The following DIS3 variants were observed in gnomAD, a reference collection of about 807,000 sequenced individuals.
DIS3 encodes DIS3 exosome endoribonuclease and 3'-5' exoribonuclease, also known as exosome complex exonuclease RRP44.
DIS3 carries 103 observed loss-of-function variants against 113.0 expected under a neutral mutation model. The observed-to-expected ratio is 0.91, with a 90% CI of 0.78 to 1.07. The LOEUF (loss-of-function observed/expected upper bound fraction) is 1.07, where lower values mean the gene tolerates loss of function less well. DIS3 is among the 50% of genes least tolerant of loss of function. The pLI, the probability that DIS3 is intolerant of heterozygous loss-of-function variation, is 0.00. For synonymous variants in DIS3, 402 were observed against 394.3 expected, an observed-to-expected ratio of 1.02 and a Z score of -0.23; for missense variants, 1,121 against 1,167.1, an observed-to-expected ratio of 0.96 and a Z score of 0.58.
At chr13:72,779,002 C>T (rs926743149) in intron 2 of DIS3, among the ~76,000 whole-genome samples, 4 of 152,124 alleles carry the variant, frequency 2.6e-5, no homozygotes, top group Non-Finnish European at 5.9e-5. Flanking sequence ...TTAAGTACAA[C>T]AGCAAAGTTC....
chr13:72,779,773 G>T (rs368307016), intron 2 of DIS3, among the ~76,000 whole-genome samples: 4 of 151,690 alleles, frequency 2.6e-5, no homozygotes, highest in Admixed American at 6.6e-5. Context: ...GTGGTGGTGG[G>T]GGGGGTAAGG....
intron 1 of DIS3, 139 bp from the exon 2 acceptor site, chr13:72,781,142 T>C: frequency 7.4e-7 from 1 of 1,350,254 alleles, no homozygotes; most frequent in Non-Finnish European, 1.0e-6. Context: ...GCTATTTGGC[T>C]ATAGAAAACG....
At chr13:72,766,941 G>A (rs1248260658) in intron 14 of DIS3, among the ~76,000 whole-genome samples, 4 of 152,102 alleles carry the variant, frequency 2.6e-5, no homozygotes, top group Admixed American at 6.6e-5. Flanking sequence ...ACTATAGTAG[G>A]AACACATACT....
rs577458917 is a variant in DIS3 at position 72,781,234 on chromosome 13, G to C, written c.229-231C>G. ...AATCACAAGACTTCGTAGAATTAAG[G>C]GTATTAATAAAGGAATACGTTGGCC... is the stretch of plus-strand genomic sequence containing the variant. On this transcript the variant is annotated intron_variant, in intron 1 of 20. Transcript: ENST00000377767. The C allele has an allele frequency of 2.0e-6, 3 of 1,532,050 alleles. No individual in the cohort carries two copies. The East Asian group carries it at 7.4e-5, about 38-fold the overall frequency. 94.9% of individuals were successfully genotyped at this position (1,532,050 alleles called of 1,614,324 possible).
chr13:72,776,639 A>G (rs1294703917), intron 4 of DIS3, among the ~76,000 whole-genome samples: 2 of 152,238 alleles, frequency 1.3e-5, no homozygotes, highest in East Asian at 3.8e-4. Context: ...TGAAAATTGT[A>G]TTAATGCTAC....
chr13:72,772,120 G>T, intron 10 of DIS3, 39 bp downstream of exon 10: 2 of 1,517,822 alleles, frequency 1.3e-6, no homozygotes, highest in Admixed American at 1.8e-5. Context: ...ACTCAGAACA[G>T]AACTATATTT....
intron 10 of DIS3, 98 bp downstream of exon 10, chr13:72,772,061 C>A: frequency 8.0e-7 from 1 of 1,248,066 alleles, no homozygotes; most frequent in Non-Finnish European, 1.1e-6. Flanking sequence ...AATTATACTT[C>A]ACAAGAGTAA....
rs2033416890 is a variant in DIS3 at position 72,755,138 on chromosome 13, TTC to T, written c.*4655_*4656del. 6.2e-7 allele frequency: 1 copy of T among 1,612,936 alleles called. No homozygotes were observed. The highest frequency in any genetic ancestry group is 8.5e-7 in the Non-Finnish European group (1 of 1,179,362). On this transcript the variant is annotated 3_prime_UTR_variant, in exon 21 of 21. Transcript: ENST00000377767. ...CTTAAACTGAAAACAAGGTATTGTC[TTC>T]TTTTTCACAGCAAGACCACACAACA... is the stretch of plus-strand genomic sequence containing the variant.
Position 72,758,920 on chromosome 13 carries a change from T to C in DIS3, c.*875A>G, listed in dbSNP as rs2033558323. On this transcript the variant is annotated 3_prime_UTR_variant, in exon 21 of 21. Coordinates refer to ENST00000377767, the MANE Select transcript of DIS3 (RefSeq NM_014953.5). Reference sequence around the variant, plus strand: ...ATTTAATCATTACTAATCTCTGTGATTAGCAAGGGAAGTAGTCAGTCTGGC... The same window carrying C: ...ATTTAATCATTACTAATCTCTGTGACTAGCAAGGGAAGTAGTCAGTCTGGC... The C allele has an allele frequency of 5.5e-6, 1 of 181,330 alleles. No homozygotes were observed. The highest frequency in any genetic ancestry group is 6.3e-5 in the Admixed American group (1 of 15,944). The allele number at this position is 181,330 out of a possible 1,614,324, so 11.2% of individuals were successfully genotyped here.
In DIS3 at chr13:72,759,908, G is replaced by C. The variant is rs753366976; in HGVS notation, c.2794-30C>G. 5 of 1,544,862 alleles carry C rather than the reference G, an allele frequency of 3.2e-6. No individual in the cohort carries two copies. Among genetic ancestry groups the C allele is most frequent in the Non-Finnish European group, 4.5e-6 (5 of 1,120,152 alleles). ...AGTAATGCAAATGGGGGGAAATAAG[G>C]TGATTTAAAGGATAGAATACATCTC... On this transcript the variant is annotated intron_variant, in intron 20 of 20. Transcript: ENST00000377767.
Position 72,753,897 on chromosome 13 carries a change from G to GA in DIS3, c.*5897_*5898insT, listed in dbSNP as rs2033355504. 8 of 1,335,018 alleles carry GA rather than the reference G, an allele frequency of 6.0e-6. No homozygotes were observed. Among genetic ancestry groups the GA allele is most frequent in the Non-Finnish European group, 8.2e-6 (8 of 973,166 alleles). 82.7% of individuals were successfully genotyped at this position (1,335,018 alleles called of 1,614,324 possible). A position where few individuals can be genotyped will look rare whatever the true frequency, so the allele number is the denominator to read the frequency against. The stretch of plus-strand genomic sequence containing the variant: ...AAATAATTTTGATTATTAGACAATA[G>GA]TACTATTGAGAAACTATATGAAATT... On this transcript the variant is annotated 3_prime_UTR_variant, in exon 21 of 21. Transcript: ENST00000377767.
chr13:72,760,626 G>C lies in DIS3; in HGVS notation c.2696C>G (p.Thr899Arg), dbSNP rs200025659. Residue 899 changes from threonine to arginine, a missense_variant, in exon 20 of 21, where the codon ACA becomes AGA. Coordinates refer to ENST00000377767, the MANE Select transcript of DIS3 (RefSeq NM_014953.5). ...AACTTTATCAAATACATGGAACACT[G>C]TATCTTCTATTTTAAGTGAGGGTAT... ...DEIPSLKIEDTVFHVFDKVKV... is the reference protein window; with the variant it reads ...DEIPSLKIEDRVFHVFDKVKV... 6.6e-5 allele frequency: 107 copies of C among 1,612,768 alleles called. No individual in the cohort carries two copies. The East Asian group carries it at 2.0e-3, about 30-fold the overall frequency.
At position 72,771,892 on chromosome 13, in the gene DIS3, C is replaced by T. The variant is rs1005383800; in HGVS notation, c.1508G>A (p.Gly503Asp). 2.5e-6 allele frequency: 4 copies of T among 1,612,822 alleles called. No individual in the cohort carries two copies. Among genetic ancestry groups the T allele is most frequent in the Non-Finnish European group, 3.4e-6 (4 of 1,179,654 alleles). ...RELENGNLEV[G>D]VHIADVSHFI... The stretch of plus-strand genomic sequence containing the variant: ...ATGGCTCACATCAGCAATATGAACA[C>T]CAACCTTAAAAAGATAAAAATAAAA... Residue 503 changes from glycine to aspartate, a missense_variant, in exon 11 of 21, where the codon GGT becomes GAT. Around this residue, in one of 3 missense-constraint regions of DIS3, gnomAD observed 861 missense variants for 915.5 expected, o/e 0.94. Coordinates refer to ENST00000377767, the MANE Select transcript of DIS3 (RefSeq NM_014953.5).
In DIS3 at chr13:72,755,387, T is replaced by G; in HGVS notation, c.*4408A>C. On this transcript the variant is annotated 3_prime_UTR_variant, in exon 21 of 21. Transcript: ENST00000377767. ...ACTGACATAGGAACAACAGAAATGC[T>G]CCTGGAACTTCAAGTTGCTGAATTA... The G allele has an allele frequency of 1.9e-6, 1 of 538,386 alleles. No homozygotes were observed. Among genetic ancestry groups the G allele is most frequent in the Non-Finnish European group, 3.3e-6 (1 of 305,854 alleles). 33.4% of individuals were successfully genotyped at this position (538,386 alleles called of 1,614,324 possible). A position where few individuals can be genotyped will look rare whatever the true frequency, so the allele number is the denominator to read the frequency against.
chr13:72,776,627 G>A (rs749656300), intron 4 of DIS3, among the ~76,000 whole-genome samples: 67 of 152,122 alleles, frequency 4.4e-4, no homozygotes, highest in Non-Finnish European at 5.7e-4. Flanking sequence ...CAGGCACTAG[G>A]ATGAAAATTG....
intron 15 of DIS3, 26 bp downstream of exon 15, chr13:72,765,946 T>C (rs770932789): frequency 1.3e-6 from 2 of 1,541,874 alleles, no homozygotes; most frequent in South Asian, 1.2e-5. Context: ...AAATCTTATC[T>C]AATGCCCATC....
In DIS3 at chr13:72,757,197, C is replaced by G. The variant is rs2033500359; in HGVS notation, c.*2598G>C. On this transcript the variant is annotated 3_prime_UTR_variant, in exon 21 of 21. Transcript: ENST00000377767. ...AAACCTAAGGCCAGTCATGCACTGCCCTACTTCCCTTTCTTCTCTATTGCA... is the reference window on the plus strand; with the variant it reads ...AAACCTAAGGCCAGTCATGCACTGCGCTACTTCCCTTTCTTCTCTATTGCA... The G allele has an allele frequency of 6.6e-6, 1 of 151,842 alleles. No homozygotes were observed. The highest frequency in any genetic ancestry group is 2.4e-5 in the African/African-American group (1 of 41,352). 9.4% of individuals were successfully genotyped at this position (151,842 alleles called of 1,614,324 possible).
chr13:72,781,566 C>A, intron 1 of DIS3, 39 bp downstream of exon 1: 1 of 1,479,044 alleles, frequency 6.8e-7, no homozygotes. Flanking sequence ...CCCTTGTCCC[C>A]GTGGGGCCGC....
Position 72,761,242 on chromosome 13 carries a change from G to A in DIS3, c.2670+121C>T, listed in dbSNP as rs917541712. 9.5e-6 allele frequency: 12 copies of A among 1,262,616 alleles called. No individual in the cohort carries two copies. The African/African-American group carries it at 1.6e-4, about 16-fold the overall frequency. 78.2% of individuals were successfully genotyped at this position (1,262,616 alleles called of 1,614,324 possible). A position where few individuals can be genotyped will look rare whatever the true frequency, so the allele number is the denominator to read the frequency against. ...AATGTAGATTTTCTGGCATGTATTT[G>A]GAGATCAGGATAAATTCTTCAGGGT... On this transcript the variant is annotated intron_variant, in intron 19 of 20. Transcript: ENST00000377767.
Sources: allele counts gnomAD v4.1 joint callset (sites outside exome capture counted in the v4.1 genomes callset), GRCh38; gene constraint gnomAD v4.1.1; regional missense constraint gnomAD v4.1.1; transcripts MANE v1.5; gene names NCBI Gene and HGNC (gene_info 2026-07-23, HGNC 2026-07-21).